The following CDH9 variants were observed in gnomAD, a reference collection of about 807,000 sequenced individuals.
CDH9 encodes cadherin 9, also known as cadherin-9.
Under a neutral mutation model 70.9 loss-of-function variants are expected in CDH9, and 28 were observed. The ratio of observed to expected loss-of-function variants is 0.40; its 90% CI spans 0.29 to 0.54. CDH9 has a LOEUF of 0.54. CDH9 is among the 20% of genes least tolerant of loss of function. The pLI is 0.59. For missense variants in CDH9, 874 were observed against 984.4 expected (o/e 0.89, Z 1.50); for synonymous variants, 409 against 343.1 (o/e 1.19, Z -2.12).
intron 2 of CDH9, among the ~76,000 whole-genome samples, chr5:26,983,690 C>G (rs1742440368): frequency 6.6e-6 from 1 of 151,188 alleles, no homozygotes; most frequent in African/African-American, 2.4e-5. Flanking sequence ...ATGTACTGCA[C>G]TATAAGTAAT....
chr5:26,972,636 T>C (rs1201390312), intron 2 of CDH9, among the ~76,000 whole-genome samples: 1 of 152,124 alleles, frequency 6.6e-6, no homozygotes, highest in East Asian at 1.9e-4. Flanking sequence ...TCAGTGTCGT[T>C]AAAGGATCAA....
chr5:26,966,976 A>T (rs1216308818), intron 2 of CDH9, among the ~76,000 whole-genome samples: 1 of 152,106 alleles, frequency 6.6e-6, no homozygotes, highest in Non-Finnish European at 1.5e-5. Context: ...TCTGTTGCCC[A>T]GGCTGGAGTG....
At chr5:26,997,431 C>G (rs1018584283) in intron 1 of CDH9, among the ~76,000 whole-genome samples, 1 of 151,994 alleles carries the variant, frequency 6.6e-6, no homozygotes, top group African/African-American at 2.4e-5. Flanking sequence ...TTGGAGATGG[C>G]CAAGATACTA....
intron 3 of CDH9, among the ~76,000 whole-genome samples, chr5:26,908,672 T>TA (rs1740991816): frequency 6.6e-6 from 1 of 152,160 alleles, no homozygotes; most frequent in African/African-American, 2.4e-5. Flanking sequence ...TCTTTGAAGT[T>TA]ACGCAAGGAC....
At chr5:26,990,892 G>T (rs1220506683) in intron 1 of CDH9, among the ~76,000 whole-genome samples, 1 of 152,110 alleles carries the variant, frequency 6.6e-6, no homozygotes, top group Non-Finnish European at 1.5e-5. Flanking sequence ...TAACTATGAT[G>T]CCCATTTTGT....
intron 2 of CDH9, among the ~76,000 whole-genome samples, chr5:26,968,051 A>G (rs1742157858): frequency 1.3e-5 from 2 of 152,134 alleles, no homozygotes; most frequent in South Asian, 4.1e-4. Context: ...ATCATCATTT[A>G]TTAAAAGTTT....
intron 5 of CDH9, among the ~76,000 whole-genome samples, chr5:26,904,988 T>A (rs1027305861): frequency 6.6e-6 from 1 of 152,082 alleles, no homozygotes. Context: ...AAGATTAAGT[T>A]TATGTTATTT....
At chr5:26,892,017 C>T (rs184402276) in intron 7 of CDH9, among the ~76,000 whole-genome samples, 95 of 152,228 alleles carry the variant, frequency 6.2e-4, no homozygotes, top group Non-Finnish European at 1.0e-3. Context: ...GTTCACACCG[C>T]CCACCTTGAC....
At chr5:26,882,073 A>G (rs533953196) in intron 11 of CDH9, among the ~76,000 whole-genome samples, 2 of 152,220 alleles carry the variant, frequency 1.3e-5, no homozygotes, top group East Asian at 1.9e-4. Context: ...AGATACATAT[A>G]TACTTGTATA....
At chr5:26,972,406 A>C (rs1201945902) in intron 2 of CDH9, among the ~76,000 whole-genome samples, 1 of 152,178 alleles carries the variant, frequency 6.6e-6, no homozygotes, top group Non-Finnish European at 1.5e-5. Flanking sequence ...TATTTTTCTT[A>C]TACAGTTGTC....
At chr5:26,950,585 C>T (rs972417915) in intron 2 of CDH9, among the ~76,000 whole-genome samples, 1 of 152,046 alleles carries the variant, frequency 6.6e-6, no homozygotes, top group African/African-American at 2.4e-5. Context: ...ACATCAGTTC[C>T]TGCTGCATCA....
At chr5:26,939,704 CACAT>C (rs1445914848) in intron 2 of CDH9, among the ~76,000 whole-genome samples, 1 of 151,930 alleles carries the variant, frequency 6.6e-6, no homozygotes, top group African/African-American at 2.4e-5. Flanking sequence ...ATATAAAAAA[CACAT>C]ACTTCTAAGT....
intron 1 of CDH9, among the ~76,000 whole-genome samples, chr5:26,996,090 C>T (rs1742660939): frequency 6.6e-6 from 1 of 151,814 alleles, no homozygotes; most frequent in Non-Finnish European, 1.5e-5. Context: ...GTGCTTTCTC[C>T]TCTCTATACC....
chr5:27,025,763 T>A (rs1005961015), intron 1 of CDH9, among the ~76,000 whole-genome samples: 7 of 152,136 alleles, frequency 4.6e-5, no homozygotes, highest in Admixed American at 3.9e-4. Context: ...AGGTTCTTAT[T>A]CTCTCGTGCC....
chr5:26,949,173 C>T (rs908553550), intron 2 of CDH9, among the ~76,000 whole-genome samples: 6 of 152,136 alleles, frequency 3.9e-5, no homozygotes, highest in African/African-American at 1.4e-4. Flanking sequence ...ACCCTTTTGG[C>T]TTAACAAGGG....
intron 2 of CDH9, among the ~76,000 whole-genome samples, chr5:26,946,968 G>A (rs577952323): frequency 6.6e-6 from 1 of 152,112 alleles, no homozygotes; most frequent in East Asian, 1.9e-4. Context: ...AGGGATGAAC[G>A]CTTGAATGCA....
At chr5:26,974,111 G>T (rs1421691593) in intron 2 of CDH9, among the ~76,000 whole-genome samples, 1 of 152,100 alleles carries the variant, frequency 6.6e-6, no homozygotes, top group Non-Finnish European at 1.5e-5. Context: ...GGGCATGATA[G>T]TGGGTGCCTG....
chr5:26,906,722 A>T lies in CDH9; in HGVS notation c.640T>A (p.Ser214Thr). 1.9e-6 allele frequency: 3 copies of T among 1,612,928 alleles called. No individual in the cohort carries two copies. The highest frequency in any genetic ancestry group is 2.5e-6 in the Non-Finnish European group (3 of 1,179,452). ...GQPYFSVDPE[S>T]GIIKTALPDM... ...CAGCCAAGTTTAAATGTTGTACCTG[A>T]TTCTGGGTCCACTGAAAAATATGGC... The change falls in exon 4 of 12, where the codon TCA becomes ACA. Residue 214 changes from serine to threonine, a missense_variant. Transcript: ENST00000231021.
chr5:27,001,431 T>C (rs1338202709), intron 1 of CDH9, among the ~76,000 whole-genome samples: 1 of 152,164 alleles, frequency 6.6e-6, no homozygotes, highest in Non-Finnish European at 1.5e-5. Flanking sequence ...TGGCAGATGT[T>C]GGGATTCAGG....
Sources: allele counts gnomAD v4.1 joint callset (sites outside exome capture counted in the v4.1 genomes callset), GRCh38; gene constraint gnomAD v4.1.1; transcripts MANE v1.5; gene names NCBI Gene and HGNC (gene_info 2026-07-23, HGNC 2026-07-21).